Variants in PHF24 observed in about 807,000 individuals in gnomAD.
The protein encoded by PHF24 is PHD finger protein 24, also known as Galpha inhibitory interacting protein.
A neutral mutation model predicts 42.6 loss-of-function variants in PHF24; 25 were observed. The observed-to-expected ratio is 0.59, with a 90% CI of 0.43 to 0.82. The LOEUF is 0.82. Among genes scored for constraint, PHF24 ranks in the 40% least tolerant of loss-of-function variants. The probability of loss-of-function intolerance (pLI) is 0.00; values close to 1 mark genes in which losing one functional copy is unlikely to be tolerated. For missense variants in PHF24, 470 were observed against 538.1 expected, an observed-to-expected ratio of 0.87 and a Z score of 1.25; for synonymous variants, 185 against 204.8, an observed-to-expected ratio of 0.90 and a Z score of 0.83.
rs1384749436 is a variant in PHF24 at position 34,978,088 on chromosome 9, A to T, written c.1180A>T (p.Ile394Phe). ...GGCTGCTCGCCCCAACAGCGCAGCC[A>T]TTCACCTGAAGCCCCCAGGATAGCA... The change falls in exon 8 of 8, where the codon ATT becomes TTT. Residue 394 changes from isoleucine (I) to phenylalanine (F), a missense_variant. Transcript: ENST00000242315. The T allele has an allele frequency of 1.9e-6, 3 of 1,613,980 alleles. No homozygotes were observed. The African/African-American group carries it at 4.0e-5, about 22-fold the overall frequency.
At chr9:34,803,569 T>C in the PHF24 span, among the ~76,000 whole-genome samples, 1 of 152,262 alleles carries the variant, frequency 6.6e-6, no homozygotes, top group Non-Finnish European at 1.5e-5. Context: ...ACCTTGGCAG[T>C]GTGAAGCATA....
At chr9:34,944,215 T>A in the PHF24 span, among the ~76,000 whole-genome samples, 1 of 152,172 alleles carries the variant, frequency 6.6e-6, no homozygotes, top group African/African-American at 2.4e-5. Flanking sequence ...AATCAAAGCA[T>A]GATGTAGGCT....
At chr9:34,759,519 C>T in the PHF24 span, among the ~76,000 whole-genome samples, 1 of 152,102 alleles carries the variant, frequency 6.6e-6, no homozygotes, top group Non-Finnish European at 1.5e-5. Flanking sequence ...GGGTGTTCAG[C>T]CATCCCCAGA....
chr9:34,853,827 CAAAA>C, the PHF24 span, among the ~76,000 whole-genome samples: 3 of 74,806 alleles, frequency 4.0e-5, no homozygotes, highest in Non-Finnish European at 2.6e-5. Context: ...GACTCCGTCT[CAAAA>C]AAAAAAAAAA....
chr9:34,728,227 C>G, the PHF24 span: 2 of 680,004 alleles, frequency 2.9e-6, no homozygotes, highest in South Asian at 2.0e-5. Context: ...CTGAGTACAG[C>G]ATCGCTGTAA....
chr9:34,807,248 T>C, the PHF24 span, among the ~76,000 whole-genome samples: 1 of 152,218 alleles, frequency 6.6e-6, no homozygotes, highest in African/African-American at 2.4e-5. Flanking sequence ...ACTTTTATTA[T>C]AAAGGGGGTA....
the PHF24 span, among the ~76,000 whole-genome samples, chr9:34,785,847 C>T: frequency 0.035 from 5,319 of 152,264 alleles, 128 homozygotes; most frequent in Non-Finnish European, 0.047. Context: ...TCATCATTCC[C>T]ATTTCCTGGG....
the PHF24 span, among the ~76,000 whole-genome samples, chr9:34,773,299 G>A: frequency 7.6e-3 from 1,155 of 152,190 alleles, 17 homozygotes; most frequent in African/African-American, 0.027. Flanking sequence ...CCAGAGTTTG[G>A]TTTTTAATAC....
At chr9:34,840,750 T>G in the PHF24 span, among the ~76,000 whole-genome samples, 1 of 152,160 alleles carries the variant, frequency 6.6e-6, no homozygotes, top group Non-Finnish European at 1.5e-5. Flanking sequence ...TTTAATGTCT[T>G]TAATATTTTC....
chr9:34,928,937 A>G, the PHF24 span, among the ~76,000 whole-genome samples: 2 of 152,182 alleles, frequency 1.3e-5, no homozygotes. Flanking sequence ...CCCTGGGGCT[A>G]CACAGGAACT....
chr9:34,912,558 G>A, the PHF24 span, among the ~76,000 whole-genome samples: 2 of 152,136 alleles, frequency 1.3e-5, no homozygotes, highest in African/African-American at 4.8e-5. Context: ...GAGCCGAACT[G>A]CCATATAGCC....
At chr9:34,726,979 C>G in the PHF24 span, 4 of 1,546,316 alleles carry the variant, frequency 2.6e-6, no homozygotes, top group African/African-American at 2.7e-5. Flanking sequence ...CCAGAGGAAG[C>G]CAGCCCTGGC....
At chr9:34,893,221 G>T in the PHF24 span, 1 of 458,354 alleles carries the variant, frequency 2.2e-6, no homozygotes, top group Non-Finnish European at 3.9e-6. Flanking sequence ...GTGTGGGCCG[G>T]GGTTGGCATT....
At chr9:34,884,896 C>A in the PHF24 span, among the ~76,000 whole-genome samples, 1 of 152,178 alleles carries the variant, frequency 6.6e-6, no homozygotes. Context: ...TCATGGTGGC[C>A]AGTTGCCTGA....
At chr9:34,956,838 GAACT>G (rs1436409753), upstream of PHF24, among the ~76,000 whole-genome samples, 2 of 152,122 alleles carry the variant, frequency 1.3e-5, no homozygotes, top group Non-Finnish European at 2.9e-5. Context: ...ACTAATTTTA[GAACT>G]AATAAGTACT....
upstream of PHF24, among the ~76,000 whole-genome samples, chr9:34,952,844 T>C (rs140579841): frequency 3.9e-5 from 6 of 152,126 alleles, no homozygotes; most frequent in African/African-American, 1.2e-4. Flanking sequence ...ACAACTGATA[T>C]CCAAAAAAGG....
the PHF24 span, among the ~76,000 whole-genome samples, chr9:34,678,744 C>T: frequency 6.6e-6 from 1 of 152,130 alleles, no homozygotes; most frequent in Non-Finnish European, 1.5e-5. Flanking sequence ...AATTCTTCCA[C>T]CTCAGCCTCC....
At chr9:34,722,134 T>A in the PHF24 span, among the ~76,000 whole-genome samples, 1 of 152,206 alleles carries the variant, frequency 6.6e-6, no homozygotes, top group Non-Finnish European at 1.5e-5. Flanking sequence ...CCATCAGGCT[T>A]CTGTGTTGAG....
the PHF24 span, among the ~76,000 whole-genome samples, chr9:34,812,490 C>G: frequency 1.2e-4 from 18 of 152,236 alleles, no homozygotes; most frequent in South Asian, 3.7e-3. Flanking sequence ...CATCTCAATT[C>G]CAAAATTTAG....
Sources: gnomAD v4.1 joint callset for allele counts (sites outside exome capture counted in the v4.1 genomes callset) on GRCh38, gnomAD v4.1.1 for gene constraint, MANE v1.5 for transcripts, NCBI Gene and HGNC (gene_info 2026-07-23, HGNC 2026-07-21) for gene names.